The following COL23A1 variants were observed in gnomAD, a reference collection of about 807,000 sequenced individuals.
COL23A1 encodes the protein collagen type XXIII alpha 1 chain.
A neutral mutation model predicts 99.3 loss-of-function variants in COL23A1; 97 were observed. The observed-to-expected ratio is 0.98, with a 90% CI of 0.83 to 1.16. The LOEUF is 1.16. COL23A1 is among the 50% of genes most tolerant of loss of function. The probability of loss-of-function intolerance (pLI) is 0.00; values close to 1 mark genes in which losing one functional copy is unlikely to be tolerated. For synonymous variants in COL23A1, 320 were observed against 308.2 expected, an observed-to-expected ratio of 1.04 and a Z score of -0.40; for missense variants, 762 against 757.4, an observed-to-expected ratio of 1.01 and a Z score of -0.07.
intron 2 of COL23A1, among the ~76,000 whole-genome samples, chr5:178,493,794 A>G (rs1359277215): frequency 6.6e-6 from 1 of 152,224 alleles, no homozygotes; most frequent in Non-Finnish European, 1.5e-5. Flanking sequence ...CTCGGGGACC[A>G]TCTTCCTGGG....
chr5:178,575,488 C>CT (rs1763303665), intron 1 of COL23A1, among the ~76,000 whole-genome samples: 1 of 152,162 alleles, frequency 6.6e-6, no homozygotes, highest in Non-Finnish European at 1.5e-5. Flanking sequence ...GTGTTACCTC[C>CT]TTAGGCCCTC....
At chr5:178,549,720 C>T (rs1424419968) in intron 2 of COL23A1, among the ~76,000 whole-genome samples, 1 of 152,140 alleles carries the variant, frequency 6.6e-6, no homozygotes, top group Non-Finnish European at 1.5e-5. Context: ...GAAGCTGAGG[C>T]AGGAGAATCG....
In COL23A1 at chr5:178,321,480, CTT is replaced by C. The variant is rs570803192; in HGVS notation, c.362-14563_362-14562del. ...ACCTGTGATGACGAGGTCACCTTCC[CTT>C]TTTTTTTTTTTTTTTTTTTTTTTTG... On this transcript the variant is annotated intron_variant, in intron 2 of 28. Transcript: ENST00000390654. 7.5e-4 allele frequency among the ~76,000 whole-genome samples: 82 copies of C among 109,018 alleles called. No individual in the cohort carries two copies. The South Asian group carries it at 0.012, about 15-fold the overall frequency. The allele number at this position is 109,018 out of a possible 152,430, so 71.5% of individuals were successfully genotyped here. A position where few individuals can be genotyped will look rare whatever the true frequency, so the allele number is the denominator to read the frequency against.
chr5:178,345,423 A>T (rs1477044131), intron 2 of COL23A1: 1 of 293,776 alleles, frequency 3.4e-6, no homozygotes, highest in East Asian at 8.4e-5. Context: ...TGTTCTCTAA[A>T]CACACTTGTT....
At chr5:178,370,908 C>T (rs1377938351) in intron 2 of COL23A1, among the ~76,000 whole-genome samples, 1 of 152,168 alleles carries the variant, frequency 6.6e-6, no homozygotes, top group African/African-American at 2.4e-5. Flanking sequence ...CATAACTGCA[C>T]TCCAGCCTGT....
At chr5:178,542,875 G>A (rs1434602076) in intron 2 of COL23A1, among the ~76,000 whole-genome samples, 1 of 152,222 alleles carries the variant, frequency 6.6e-6, no homozygotes, top group African/African-American at 2.4e-5. Flanking sequence ...ATTTTTAAAA[G>A]TGTGTTTATA....
intron 2 of COL23A1, among the ~76,000 whole-genome samples, chr5:178,521,422 A>G (rs753555586): frequency 6.6e-6 from 1 of 152,064 alleles, no homozygotes; most frequent in African/African-American, 2.4e-5. Context: ...GCGTGGTGGC[A>G]GGCGCCTGTA....
intron 2 of COL23A1, among the ~76,000 whole-genome samples, chr5:178,400,291 T>C (rs976580740): frequency 4.7e-5 from 6 of 127,794 alleles, no homozygotes; most frequent in East Asian, 2.6e-4. Context: ...GGCGTGAACC[T>C]GGGAGGCGGA....
At position 178,323,306 on chromosome 5, in the gene COL23A1, T is replaced by C. The variant is rs532804763; in HGVS notation, c.362-16387A>G. 1.5e-4 allele frequency among the ~76,000 whole-genome samples: 23 copies of C among 152,226 alleles called. 1 individual carries two copies. The highest frequency in any genetic ancestry group is 1.5e-5 in the Non-Finnish European group (1 of 68,002). ...TGAGCTCTTGCCCTTTCCAGACCCA[T>C]TTCATTGCCCACAAAGGGCCCTGTG... On this transcript the variant is annotated intron_variant, in intron 2 of 28. Transcript: ENST00000390654.
intron 3 of COL23A1, among the ~76,000 whole-genome samples, chr5:178,293,479 G>T (rs1178757224): frequency 6.6e-6 from 1 of 152,190 alleles, no homozygotes; most frequent in Non-Finnish European, 1.5e-5. Context: ...GCTGCAGGAG[G>T]TGTTCGGGGA....
chr5:178,465,298 A>G (rs1756354820), intron 2 of COL23A1, among the ~76,000 whole-genome samples: 1 of 152,182 alleles, frequency 6.6e-6, no homozygotes, highest in Non-Finnish European at 1.5e-5. Flanking sequence ...GACTTAGAAC[A>G]CCAGGCTGTC....
intron 5 of COL23A1, among the ~76,000 whole-genome samples, chr5:178,283,644 G>C (rs892343011): frequency 6.6e-6 from 1 of 152,170 alleles, no homozygotes; most frequent in African/African-American, 2.4e-5. Flanking sequence ...TTAATGTTAA[G>C]AGTTAAGACA....
At chr5:178,422,956 G>T (rs1287992809) in intron 2 of COL23A1, among the ~76,000 whole-genome samples, 1 of 151,918 alleles carries the variant, frequency 6.6e-6, no homozygotes, top group East Asian at 1.9e-4. Flanking sequence ...TTTGAATTTT[G>T]AAGTTTATTT....
At chr5:178,452,893 C>G (rs756502364) in intron 2 of COL23A1, among the ~76,000 whole-genome samples, 24 of 152,162 alleles carry the variant, frequency 1.6e-4, no homozygotes, top group Admixed American at 2.6e-4. Context: ...AATTGACCCA[C>G]GATTTCCACT....
At chr5:178,504,211 T>G (rs1758737806) in intron 2 of COL23A1, among the ~76,000 whole-genome samples, 1 of 152,094 alleles carries the variant, frequency 6.6e-6, no homozygotes, top group Non-Finnish European at 1.5e-5. Flanking sequence ...GACCCCCGAT[T>G]TCCGATATTC....
chr5:178,551,678 C>G (rs1762011217), intron 2 of COL23A1, among the ~76,000 whole-genome samples: 1 of 152,158 alleles, frequency 6.6e-6, no homozygotes, highest in Non-Finnish European at 1.5e-5. Flanking sequence ...GCGTTATCAA[C>G]CCTCCTCCCC....
chr5:178,454,318 A>G (rs1254912925), intron 2 of COL23A1, among the ~76,000 whole-genome samples: 1 of 152,222 alleles, frequency 6.6e-6, no homozygotes, highest in Non-Finnish European at 1.5e-5. Flanking sequence ...ATGAAAAGCA[A>G]CTCAGATCAA....
chr5:178,574,315 C>T (rs183605222), intron 1 of COL23A1, among the ~76,000 whole-genome samples: 75 of 152,322 alleles, frequency 4.9e-4, no homozygotes, highest in Middle Eastern at 3.4e-3. Flanking sequence ...AGATGCTGGT[C>T]ATGGGCGCAT....
chr5:178,488,441 G>A (rs1581487887), intron 2 of COL23A1, among the ~76,000 whole-genome samples: 1 of 152,094 alleles, frequency 6.6e-6, no homozygotes, highest in East Asian at 1.9e-4. Flanking sequence ...TGTGGCACAT[G>A]AAGATTTCTA....
Sources: gnomAD v4.1 joint callset for allele counts (sites outside exome capture counted in the v4.1 genomes callset) on GRCh38, gnomAD v4.1.1 for gene constraint, MANE v1.5 for transcripts, NCBI Gene and HGNC (gene_info 2026-07-23, HGNC 2026-07-21) for gene names.